CENPO: variants seen among roughly 807,000 people sequenced by gnomAD.
The protein encoded by CENPO is centromeric protein O.
Under a neutral mutation model 36.1 loss-of-function variants are expected in CENPO, and 30 were observed. That is an observed-to-expected ratio of 0.83 (90% CI 0.62 to 1.13). The LOEUF (loss-of-function observed/expected upper bound fraction) is 1.13, where lower values mean the gene tolerates loss of function less well. Among genes scored for constraint, CENPO ranks in the 50% most tolerant of loss-of-function variants. CENPO has a pLI of 0.00. For missense variants in CENPO, 349 were observed against 357.8 expected, an observed-to-expected ratio of 0.98 and a Z score of 0.20; for synonymous variants, 171 against 142.3, an observed-to-expected ratio of 1.20 and a Z score of -1.44.
At chr2:24,817,945 G>A (rs1667036829) in intron 7 of CENPO, 104 bp downstream of exon 7, 11 of 920,812 alleles carry the variant, frequency 1.2e-5, no homozygotes, top group Admixed American at 2.7e-5. Flanking sequence ...CATCTGGATG[G>A]AAGAGCAGGT....
intron 7 of CENPO, among the ~76,000 whole-genome samples, 167 bp downstream of exon 7, chr2:24,818,008 T>C (rs914183317): frequency 9.0e-5 from 13 of 143,724 alleles, no homozygotes; most frequent in African/African-American, 3.2e-4. Context: ...CCTGGTCCCT[T>C]CTTAAAATGC....
chr2:24,806,000 T>G (rs1335839276), intron 3 of CENPO, among the ~76,000 whole-genome samples: 1 of 152,236 alleles, frequency 6.6e-6, no homozygotes, highest in Non-Finnish European at 1.5e-5. Flanking sequence ...CTGCTTTGTT[T>G]ACCTATCCAA....
intron 3 of CENPO, among the ~76,000 whole-genome samples, chr2:24,808,585 A>G (rs980131954): frequency 6.6e-6 from 1 of 152,158 alleles, no homozygotes; most frequent in Non-Finnish European, 1.5e-5. Context: ...AATTTTCTCA[A>G]ATATTTTTAC....
chr2:24,821,631 A>G lies in CENPO; in HGVS notation c.*2313A>G. On this transcript the variant is annotated 3_prime_UTR_variant, in exon 8 of 8. Transcript: ENST00000380834. ...AGGTGCTGCCAGCGCTCTCTCTCGG[A>G]CTTGTCTTCCTGTGCCAGGGGACCG... 6.2e-7 allele frequency: 1 copy of G among 1,614,002 alleles called. No homozygotes were observed. Among genetic ancestry groups the G allele is most frequent in the East Asian group, 2.2e-5 (1 of 44,878 alleles).
chr2:24,805,156 C>T (rs529607196), intron 3 of CENPO, among the ~76,000 whole-genome samples: 35 of 151,738 alleles, frequency 2.3e-4, no homozygotes, highest in Non-Finnish European at 4.4e-4. Context: ...GTGGGTCTCA[C>T]GCCATGGTTT....
Position 24,820,648 on chromosome 2 carries a change from G to A in CENPO, c.*1330G>A, listed in dbSNP as rs551787309. On this transcript the variant is annotated 3_prime_UTR_variant, in exon 8 of 8. Coordinates refer to ENST00000380834, the MANE Select transcript of CENPO (RefSeq NM_001322101.2). The stretch of plus-strand genomic sequence containing the variant: ...TTCAGGGCCAGGGTGGGAGGCAGGG[G>A]CACGTGGGAAAGCACTGTTCCGGTT... The A allele has an allele frequency of 1.5e-5, 24 of 1,587,218 alleles. No homozygotes were observed. The highest frequency in any genetic ancestry group is 2.0e-5 in the Non-Finnish European group (23 of 1,163,818).
chr2:24,803,552 G>T (rs904406328), intron 3 of CENPO, among the ~76,000 whole-genome samples: 22 of 152,140 alleles, frequency 1.4e-4, no homozygotes, highest in Admixed American at 3.3e-4. Flanking sequence ...TGGTTTCAAA[G>T]AACATCTTTA....
rs1219838704 is a variant in CENPO at position 24,820,661 on chromosome 2, C to G, written c.*1343C>G. The G allele has an allele frequency of 2.5e-6, 4 of 1,603,266 alleles. No individual in the cohort carries two copies. In the African/African-American group the frequency reaches 5.4e-5, roughly 21 times the overall value. ...TGGGAGGCAGGGGCACGTGGGAAAG[C>G]ACTGTTCCGGTTTTGTTCTCATGCC... On this transcript the variant is annotated 3_prime_UTR_variant, in exon 8 of 8. Transcript: ENST00000380834.
rs770267734 is a variant in CENPO at position 24,815,677 on chromosome 2, A to G, written c.515A>G (p.Asn172Ser). 1 of 1,613,992 alleles carries G rather than the reference A, an allele frequency of 6.2e-7. No individual in the cohort carries two copies. Residue 172 changes from asparagine to serine, a missense_variant, in exon 5 of 8, where the codon AAC becomes AGC. Physicochemically the swap from Asn to Ser is conservative, Grantham distance 46. Coordinates refer to ENST00000380834, the MANE Select transcript of CENPO (RefSeq NM_001322101.2). The stretch of plus-strand genomic sequence containing the variant: ...ATAGCTGCAAAATATTTACAGACCA[A>G]CATCCAGCACTTCCTGTTCAGTCTC... ...EEIAAKYLQT[N>S]IQHFLFSLCE...
chr2:24,806,858 G>C (rs1666429409), intron 3 of CENPO, among the ~76,000 whole-genome samples: 1 of 152,120 alleles, frequency 6.6e-6, no homozygotes, highest in Non-Finnish European at 1.5e-5. Context: ...CAGTCAGCAA[G>C]ACCTATCAGA....
At chr2:24,802,669 G>A (rs370193859) in intron 3 of CENPO, among the ~76,000 whole-genome samples, 1 of 152,140 alleles carries the variant, frequency 6.6e-6, no homozygotes, top group African/African-American at 2.4e-5. Flanking sequence ...TGCATCCCAG[G>A]GATGAAGCCC....
rs1208476697 is a variant in CENPO at position 24,817,670 on chromosome 2, G to A, written c.767G>A (p.Gly256Glu). ...LPTDVTVTCQ[G>E]VEVLSTSWEE... is the part of the protein sequence containing the mutation. ...AGATTGATGGAATCTTTCTTTTTAGGAGTGGAAGTATTATCCACTTCATGG... is the reference window on the plus strand; with the variant it reads ...AGATTGATGGAATCTTTCTTTTTAGAAGTGGAAGTATTATCCACTTCATGG... The change falls in exon 7 of 8, where the codon GGA becomes GAA. Residue 256 changes from glycine to glutamate, a missense_variant and splice_region_variant. Coordinates refer to ENST00000380834, the MANE Select transcript of CENPO (RefSeq NM_001322101.2). 6.2e-7 allele frequency: 1 copy of A among 1,613,994 alleles called. No homozygotes were observed. The highest frequency in any genetic ancestry group is 2.2e-5 in the East Asian group (1 of 44,882).
chr2:24,812,571 G>A (rs1481078428), intron 3 of CENPO, among the ~76,000 whole-genome samples: 2 of 152,032 alleles, frequency 1.3e-5, no homozygotes, highest in East Asian at 3.8e-4. Flanking sequence ...CTATGTCTTA[G>A]TAATTTTCTA....
chr2:24,821,435 C>T lies in CENPO; in HGVS notation c.*2117C>T, dbSNP rs1667695944. 1.9e-6 allele frequency: 3 copies of T among 1,567,548 alleles called. No individual in the cohort carries two copies. Among genetic ancestry groups the T allele is most frequent in the Non-Finnish European group, 2.6e-6 (3 of 1,153,332 alleles). On this transcript the variant is annotated 3_prime_UTR_variant, in exon 8 of 8. Coordinates refer to ENST00000380834, the MANE Select transcript of CENPO (RefSeq NM_001322101.2). ...CCCGAATTGCCTCAGTTGTCCTGAG[C>T]CTCATGTCTCTCCTGGTGGTGGGCC...
chr2:24,803,808 G>T (rs1193149565), intron 3 of CENPO, among the ~76,000 whole-genome samples: 2 of 152,164 alleles, frequency 1.3e-5, no homozygotes, highest in African/African-American at 4.8e-5. Flanking sequence ...ATATTCTGTT[G>T]ATTTGGGGTG....
At chr2:24,817,917 A>AACAG in intron 7 of CENPO, 76 bp downstream of exon 7, 1 of 1,196,402 alleles carries the variant, frequency 8.4e-7, no homozygotes, top group Non-Finnish European at 1.2e-6. Context: ...TTCTGATGAA[A>AACAG]ACAGACACCT....
chr2:24,803,997 A>G (rs1016905263), intron 3 of CENPO, among the ~76,000 whole-genome samples: 1 of 152,146 alleles, frequency 6.6e-6, no homozygotes, highest in Non-Finnish European at 1.5e-5. Flanking sequence ...GACTTGCTTT[A>G]TGAGTCTGGG....
At chr2:24,804,654 C>T (rs1281208377) in intron 3 of CENPO, among the ~76,000 whole-genome samples, 2 of 152,146 alleles carry the variant, frequency 1.3e-5, no homozygotes, top group Non-Finnish European at 2.9e-5. Context: ...GAACATTGGC[C>T]CCCACTCTCT....
intron 3 of CENPO, among the ~76,000 whole-genome samples, chr2:24,805,301 G>A (rs530252738): frequency 5.9e-5 from 9 of 152,146 alleles, no homozygotes; most frequent in East Asian, 1.9e-4. Context: ...TAGTTTGATC[G>A]TCTGAAGCTG....
Sources: allele counts gnomAD v4.1 joint callset (sites outside exome capture counted in the v4.1 genomes callset), GRCh38; gene constraint gnomAD v4.1.1; transcripts MANE v1.5; gene names NCBI Gene and HGNC (gene_info 2026-07-23, HGNC 2026-07-21).